PPP2R2C: variants seen among roughly 807,000 people sequenced by gnomAD.
The protein encoded by PPP2R2C is protein phosphatase 2 regulatory subunit Bgamma, also known as protein phosphatase 2, regulatory subunit B, gamma.
A neutral mutation model predicts 45.3 loss-of-function variants in PPP2R2C; 10 were observed. That is an observed-to-expected ratio of 0.22 (90% CI 0.14 to 0.37). The LOEUF (loss-of-function observed/expected upper bound fraction) is 0.37, where lower values mean the gene tolerates loss of function less well. Among genes scored for constraint, PPP2R2C ranks in the 10% least tolerant of loss-of-function variants. The pLI is 1.00. For missense variants in PPP2R2C, 308 were observed against 619.7 expected (o/e 0.50, Z 5.34); for synonymous variants, 257 against 245.4 (o/e 1.05, Z -0.44).
At chr4:6,352,242 C>T (rs934188712) in intron 5 of PPP2R2C, among the ~76,000 whole-genome samples, 4 of 152,210 alleles carry the variant, frequency 2.6e-5, no homozygotes, top group East Asian at 1.9e-4. Context: ...TCGGGGCCCC[C>T]GGCTGGGCGT....
chr4:6,456,018 T>C (rs1577196753), intron 1 of PPP2R2C, among the ~76,000 whole-genome samples: 1 of 152,292 alleles, frequency 6.6e-6, no homozygotes, highest in South Asian at 2.1e-4. Context: ...CTATTCCTTC[T>C]TCCTGAATCC....
chr4:6,325,902 C>T (rs1731898926), intron 8 of PPP2R2C, among the ~76,000 whole-genome samples: 1 of 133,856 alleles, frequency 7.5e-6, no homozygotes, highest in Non-Finnish European at 1.8e-5. Flanking sequence ...CCTGCCCTCG[C>T]CACCCGTGGC....
intron 2 of PPP2R2C, among the ~76,000 whole-genome samples, chr4:6,480,121 A>G (rs1722299700): frequency 1.3e-5 from 2 of 152,044 alleles, no homozygotes; most frequent in South Asian, 2.1e-4. Context: ...GGCAAACACT[A>G]TCCCCAAAGT....
At chr4:6,392,135 G>A (rs1177764387) in intron 1 of PPP2R2C, among the ~76,000 whole-genome samples, 1 of 152,196 alleles carries the variant, frequency 6.6e-6, no homozygotes, top group Non-Finnish European at 1.5e-5. Flanking sequence ...GTGGTGACAG[G>A]TGCACAGCAA....
intron 1 of PPP2R2C, among the ~76,000 whole-genome samples, chr4:6,397,013 G>A (rs1717086117): frequency 6.6e-6 from 1 of 152,136 alleles, no homozygotes; most frequent in Non-Finnish European, 1.5e-5. Context: ...TGTAACTATT[G>A]ACTCCCGCGC....
In PPP2R2C at chr4:6,339,743, G is replaced by C. The variant is rs541432519; in HGVS notation, c.791-6012C>G. Among the ~76,000 whole-genome samples the C allele has an allele frequency of 6.0e-4, 92 of 152,320 alleles. No individual in the cohort carries two copies. The Middle Eastern group carries it at 0.014, about 23-fold the overall frequency. On this transcript the variant is annotated intron_variant, in intron 6 of 8. Transcript: ENST00000382599. ...GAAACATGGGAGGAGGTGGCCTGGA[G>C]GGGGAGGGGCCTATGGGGTCCTGGG...
chr4:6,472,332 G>A lies in PPP2R2C; in HGVS notation c.-103C>T. 1 of 1,403,216 alleles carries A rather than the reference G, an allele frequency of 7.1e-7. No homozygotes were observed. The highest frequency in any genetic ancestry group is 9.3e-7 in the Non-Finnish European group (1 of 1,076,676). The allele number at this position is 1,403,216 out of a possible 1,614,324, so 86.9% of individuals were successfully genotyped here. ...CGGGCCATGCCGCCGCAGCCTAGCA[G>A]GGGCGCGGGCCGCCGGGGCCCCGAA... On this transcript the variant is annotated 5_prime_UTR_variant, in exon 1 of 9. Transcript: ENST00000382599.
At chr4:6,389,574 T>C (rs1426464541) in intron 1 of PPP2R2C, among the ~76,000 whole-genome samples, 1 of 152,104 alleles carries the variant, frequency 6.6e-6, no homozygotes, top group Non-Finnish European at 1.5e-5. Context: ...GGCGAGCGAA[T>C]TTACCCAGCA....
At chr4:6,418,528 G>A (rs773200314) in intron 1 of PPP2R2C, among the ~76,000 whole-genome samples, 10 of 152,148 alleles carry the variant, frequency 6.6e-5, no homozygotes, top group Non-Finnish European at 1.2e-4. Flanking sequence ...GGTGAACCTC[G>A]GCCCCAGCAT....
Position 6,324,095 on chromosome 4 carries a change from C to G in PPP2R2C, c.1053-502G>C, listed in dbSNP as rs191611003. On this transcript the variant is annotated intron_variant, in intron 8 of 8. Transcript: ENST00000382599. The surrounding 1 kb of genome is among the most constrained non-coding windows in gnomAD (Gnocchi z 4.1). ...GCCACCAACATGCAGACTTTGGGGC[C>G]AGGAGCTAAGATCCTTTTTATCCTC... Among the ~76,000 whole-genome samples the G allele has an allele frequency of 8.3e-4, 127 of 152,248 alleles. No individual in the cohort carries two copies. Among genetic ancestry groups the G allele is most frequent in the African/African-American group, 3.0e-3 (125 of 41,538 alleles).
intron 1 of PPP2R2C, among the ~76,000 whole-genome samples, chr4:6,400,335 AAC>A (rs1395614829): frequency 6.8e-5 from 10 of 147,740 alleles, no homozygotes; most frequent in African/African-American, 2.0e-4. Context: ...TTTAAAACAA[AAC>A]ACAGTTATTT....
In PPP2R2C at chr4:6,364,535, A is replaced by G. The variant is rs1714104434; in HGVS notation, c.625+7988T>C. ...ACAGACTGTAAGGAGACACCTGGGG[A>G]AACACAGCTAATGAAGCAATGATGC... On this transcript the variant is annotated intron_variant, in intron 5 of 8. Coordinates refer to ENST00000382599, the MANE Select transcript of PPP2R2C (RefSeq NM_020416.4). This position sits in a 1 kb window ranked among gnomAD's most constrained non-coding sequence, Gnocchi z 5.3. Among the ~76,000 whole-genome samples, 1 of 151,706 alleles carries G rather than the reference A, an allele frequency of 6.6e-6. No individual in the cohort carries two copies. The highest frequency in any genetic ancestry group is 6.6e-5 in the Admixed American group (1 of 15,250).
chr4:6,497,963 A>C (rs185820165), intron 2 of PPP2R2C, among the ~76,000 whole-genome samples: 9 of 152,364 alleles, frequency 5.9e-5, no homozygotes, highest in African/African-American at 9.6e-5. Context: ...AAGCCTGCGA[A>C]TGTGGAGAGC....
chr4:6,382,766 G>T, intron 1 of PPP2R2C: 1 of 718,490 alleles, frequency 1.4e-6, no homozygotes, highest in Non-Finnish European at 1.9e-6. Flanking sequence ...CGGGATGCCA[G>T]CCACTCTCCC....
At chr4:6,515,019 T>C (rs1015850927) in intron 2 of PPP2R2C, among the ~76,000 whole-genome samples, 1 of 152,054 alleles carries the variant, frequency 6.6e-6, no homozygotes. Flanking sequence ...ATCTAGTAGG[T>C]CCTGCTTCAT....
In PPP2R2C at chr4:6,408,535, G is replaced by C. The variant is rs1717952198; in HGVS notation, c.71-27441C>G. ...GTGAGCAGTAAGGTTTCAATGGGGA[G>C]GTAGGATGGTGTAAACTGAGGCCAC... On this transcript the variant is annotated intron_variant, in intron 1 of 8. Transcript: ENST00000382599. 2.6e-5 allele frequency among the ~76,000 whole-genome samples: 4 copies of C among 152,288 alleles called. No individual in the cohort carries two copies. The Middle Eastern group carries it at 0.014, about 518-fold the overall frequency.
chr4:6,378,417 C>A lies in PPP2R2C; in HGVS notation c.324G>T (p.Leu108=), dbSNP rs1287083376. 1.2e-6 allele frequency: 2 copies of A among 1,614,104 alleles called. No individual in the cohort carries two copies. Among genetic ancestry groups the A allele is most frequent in the Non-Finnish European group, 1.7e-6 (2 of 1,180,054 alleles). ...CGGGCAGCGCCTCACCGTTGGTGGA[C>A]AGGAGTGAGTGGGCGGCGTTCTGCT... The part of the protein sequence containing the change: ...LPQQNAAHSL[L]STNDKTIKLW... The change falls in exon 3 of 9, where the codon CTG becomes CTT. Residue 108 remains leucine (L), a synonymous_variant. Coordinates refer to ENST00000382599, the MANE Select transcript of PPP2R2C (RefSeq NM_020416.4). This position sits in a 1 kb window ranked among gnomAD's most constrained non-coding sequence, Gnocchi z 5.2.
At chr4:6,532,599 G>A (rs926111003) in intron 2 of PPP2R2C, among the ~76,000 whole-genome samples, 1 of 152,174 alleles carries the variant, frequency 6.6e-6, no homozygotes, top group African/African-American at 2.4e-5. Flanking sequence ...GTTTTTAAAA[G>A]GCAAAATAAA....
chr4:6,495,603 G>A (rs1307913223), intron 2 of PPP2R2C, among the ~76,000 whole-genome samples: 1 of 152,330 alleles, frequency 6.6e-6, no homozygotes, highest in South Asian at 2.1e-4. Context: ...AACATTGCAC[G>A]AGGGTGACAG....
Sources: allele counts gnomAD v4.1 joint callset (sites outside exome capture counted in the v4.1 genomes callset), GRCh38; gene constraint gnomAD v4.1.1; non-coding constraint Gnocchi (gnomAD v3.1); transcripts MANE v1.5; gene names NCBI Gene and HGNC (gene_info 2026-07-23, HGNC 2026-07-21).